LHFPL6: variants seen among roughly 807,000 people sequenced by gnomAD.
LHFPL6 encodes the protein LHFPL tetraspan subfamily member 6 protein.
Under a neutral mutation model 20.6 loss-of-function variants are expected in LHFPL6, and 9 were observed. That is an observed-to-expected ratio of 0.44 (90% confidence interval 0.26 to 0.76). The LOEUF (loss-of-function observed/expected upper bound fraction) is 0.76. Ranked by LOEUF, LHFPL6 falls within the 30% of genes least tolerant of loss-of-function variation. The pLI, the probability that LHFPL6 is intolerant of heterozygous loss-of-function variation, is 0.20. For missense variants in LHFPL6, 218 were observed against 253.5 expected, an observed-to-expected ratio of 0.86 and a Z score of 0.95; for synonymous variants, 105 against 98.7, an observed-to-expected ratio of 1.06 and a Z score of -0.38.
intron 3 of LHFPL6, among the ~76,000 whole-genome samples, chr13:39,344,443 C>T (rs1017027700): frequency 6.6e-6 from 1 of 152,174 alleles, no homozygotes; most frequent in Non-Finnish European, 1.5e-5. Flanking sequence ...TTGATGCAAT[C>T]CTTCTGCAAA....
chr13:39,598,863 T>A (rs893502949), intron 2 of LHFPL6, among the ~76,000 whole-genome samples: 1 of 152,296 alleles, frequency 6.6e-6, no homozygotes, highest in East Asian at 1.9e-4. Context: ...GGCCAGCTGC[T>A]ACTAACAAAC....
chr13:39,553,692 AC>A (rs1871212927), intron 2 of LHFPL6, among the ~76,000 whole-genome samples: 1 of 152,236 alleles, frequency 6.6e-6, no homozygotes, highest in Non-Finnish European at 1.5e-5. Flanking sequence ...AGCCTGGGTG[AC>A]AGAGCAAGAC....
At chr13:39,502,196 A>C (rs2138464853) in intron 2 of LHFPL6, among the ~76,000 whole-genome samples, 1 of 152,332 alleles carries the variant, frequency 6.6e-6, no homozygotes, top group African/African-American at 2.4e-5. Context: ...CTGAGGCTAG[A>C]GGTTAAGTAG....
At chr13:39,559,588 A>G (rs182952580) in intron 2 of LHFPL6, among the ~76,000 whole-genome samples, 187 of 152,228 alleles carry the variant, frequency 1.2e-3, no homozygotes, top group African/African-American at 4.2e-3. Context: ...AAAAGCATTT[A>G]GTGAAAGCCA....
chr13:39,553,065 AAC>A (rs1421612584), intron 2 of LHFPL6, among the ~76,000 whole-genome samples: 1 of 152,226 alleles, frequency 6.6e-6, no homozygotes, highest in Non-Finnish European at 1.5e-5. Context: ...AAGCATCAGG[AAC>A]CCTGCAAAGA....
intron 2 of LHFPL6, among the ~76,000 whole-genome samples, chr13:39,387,115 T>C (rs1295211855): frequency 6.6e-6 from 1 of 152,242 alleles, no homozygotes; most frequent in Non-Finnish European, 1.5e-5. Flanking sequence ...AGACACTCTA[T>C]GTTTACTTGC....
intron 2 of LHFPL6, among the ~76,000 whole-genome samples, chr13:39,405,861 G>C (rs1428960069): frequency 6.6e-6 from 1 of 152,174 alleles, no homozygotes; most frequent in East Asian, 1.9e-4. Flanking sequence ...AGATTAGTCC[G>C]AGTTGCTCGA....
intron 2 of LHFPL6, among the ~76,000 whole-genome samples, chr13:39,507,581 T>A (rs1173249317): frequency 6.6e-6 from 1 of 152,202 alleles, no homozygotes; most frequent in Non-Finnish European, 1.5e-5. Flanking sequence ...TTGTATCTGC[T>A]TGTCAAATAC....
At chr13:39,597,521 C>G (rs17060340) in intron 2 of LHFPL6, among the ~76,000 whole-genome samples, 3,195 of 152,286 alleles carry the variant, frequency 0.021, 112 homozygotes, top group African/African-American at 0.073. Context: ...AGCATCCTTA[C>G]CACACTATAT....
chr13:39,354,192 G>C lies in LHFPL6; in HGVS notation c.485-10138C>G, dbSNP rs1043937214. Among the ~76,000 whole-genome samples the C allele has an allele frequency of 3.3e-5, 5 of 152,252 alleles. No individual in the cohort carries two copies. In the South Asian group the frequency reaches 6.2e-4, roughly 19 times the overall value. ...TGTATGCACCGTCCACTGGATTGCAGCCTGAATTACACCATCAAACAAAAA... is the reference window on the plus strand; with the variant it reads ...TGTATGCACCGTCCACTGGATTGCACCCTGAATTACACCATCAAACAAAAA... On this transcript the variant is annotated intron_variant, in intron 3 of 3. Transcript: ENST00000379589.
At chr13:39,424,409 A>G (rs1871585762) in intron 2 of LHFPL6, among the ~76,000 whole-genome samples, 2 of 152,314 alleles carry the variant, frequency 1.3e-5, no homozygotes, top group South Asian at 4.1e-4. Flanking sequence ...AACACCAGGT[A>G]GGTATGAATA....
At chr13:39,598,378 A>C (rs749931076) in intron 2 of LHFPL6, among the ~76,000 whole-genome samples, 8 of 151,486 alleles carry the variant, frequency 5.3e-5, no homozygotes, top group Non-Finnish European at 1.0e-4. Flanking sequence ...GTTATTTTTT[A>C]ATTCTAAATT....
chr13:39,529,311 C>G (rs528062956), intron 2 of LHFPL6, among the ~76,000 whole-genome samples: 45 of 152,202 alleles, frequency 3.0e-4, no homozygotes, highest in African/African-American at 1.1e-3. Flanking sequence ...AGGCTGGTCT[C>G]GAACTCCTGA....
chr13:39,563,552 A>T (rs1019088654), intron 2 of LHFPL6, among the ~76,000 whole-genome samples: 4 of 152,224 alleles, frequency 2.6e-5, no homozygotes, highest in African/African-American at 9.6e-5. Context: ...ACAAGTCAGC[A>T]GTATAGAGGC....
At chr13:39,541,984 G>A (rs558215075) in intron 2 of LHFPL6, among the ~76,000 whole-genome samples, 394 of 151,914 alleles carry the variant, frequency 2.6e-3, no homozygotes, top group Non-Finnish European at 3.5e-3. Flanking sequence ...CCAGCTACTC[G>A]GGAGGCTGAG....
At chr13:39,367,677 T>G (rs535032415) in intron 3 of LHFPL6, among the ~76,000 whole-genome samples, 1 of 152,336 alleles carries the variant, frequency 6.6e-6, no homozygotes, top group South Asian at 2.1e-4. Context: ...AGGAATCCAT[T>G]TGAATAATAA....
At chr13:39,511,163 G>A (rs1412455944) in intron 2 of LHFPL6, among the ~76,000 whole-genome samples, 9 of 152,064 alleles carry the variant, frequency 5.9e-5, no homozygotes, top group South Asian at 2.1e-4. Context: ...GTGAGCCACC[G>A]CACCTAGCCA....
chr13:39,378,297 G>T (rs560699841), intron 3 of LHFPL6, 131 bp downstream of exon 3: 14 of 650,708 alleles, frequency 2.2e-5, no homozygotes, highest in African/African-American at 2.0e-4. Flanking sequence ...CATTTATATT[G>T]TTACACGTGA....
At chr13:39,475,048 G>A (rs17060035) in intron 2 of LHFPL6, among the ~76,000 whole-genome samples, 9,648 of 152,254 alleles carry the variant, frequency 0.063, 1,024 homozygotes, top group African/African-American at 0.22. Flanking sequence ...CCCAGAGCCT[G>A]TGTTTTGAAT....
Sources: gnomAD v4.1 joint callset for allele counts (sites outside exome capture counted in the v4.1 genomes callset) on GRCh38, gnomAD v4.1.1 for gene constraint, MANE v1.5 for transcripts, NCBI Gene and HGNC (gene_info 2026-07-23, HGNC 2026-07-21) for gene names.